Variants in FSIP2 observed in about 807,000 individuals in gnomAD.
FSIP2 encodes fibrous sheath-interacting protein 2.
Under a neutral mutation model 510.5 loss-of-function variants are expected in FSIP2, and 367 were observed. That is an observed-to-expected ratio of 0.72 (90% CI 0.66 to 0.78). The LOEUF is 0.78. FSIP2 is among the 30% of genes least tolerant of loss of function. FSIP2 has a pLI of 0.00. For synonymous variants in FSIP2, 2,601 were observed against 2,732.2 expected (o/e 0.95, Z 1.50); for missense variants, 7,594 against 7,901.7 (o/e 0.96, Z 1.48).
chr2:185,797,770 C>A, intron 16 of FSIP2: 2 of 410,868 alleles, frequency 4.9e-6, no homozygotes, highest in South Asian at 2.7e-5. Flanking sequence ...CTTCCTGCAG[C>A]CTTGAACTCC....
At chr2:185,750,603 G>GT (rs71014622) in intron 7 of FSIP2, among the ~76,000 whole-genome samples, 122,675 of 136,386 alleles carry the variant, frequency 0.9, 55,505 homozygotes, top group Non-Finnish European at 0.96. Context: ...GCATTTCTCT[G>GT]TTTTTTTTTT....
chr2:185,806,374 G>C lies in FSIP2; in HGVS notation c.17068G>C (p.Glu5690Gln). The change falls in exon 17 of 23, where the codon GAA (glutamate) becomes CAA (glutamine). Residue 5690 changes from glutamate to glutamine, a missense_variant. Coordinates refer to ENST00000424728, the MANE Select transcript of FSIP2 (RefSeq NM_173651.4). ...TGAAAATATTTTTGAAGATGTTTTAGAACTATCTTCTTCTCCAGAACCAGC... is the reference window on the plus strand; with the variant it reads ...TGAAAATATTTTTGAAGATGTTTTACAACTATCTTCTTCTCCAGAACCAGC... ...VIENIFEDVLELSSSPEPAYY... is the reference protein window; with the variant it reads ...VIENIFEDVLQLSSSPEPAYY... 1 of 1,611,232 alleles carries C rather than the reference G, an allele frequency of 6.2e-7. No individual in the cohort carries two copies. The highest frequency in any genetic ancestry group is 8.5e-7 in the Non-Finnish European group (1 of 1,178,452).
At chr2:185,756,359 CTT>C (rs1692246808) in intron 9 of FSIP2, 81 bp downstream of exon 9, 2 of 481,312 alleles carry the variant, frequency 4.2e-6, no homozygotes, top group East Asian at 6.3e-5. Context: ...ACTTTTTTCA[CTT>C]AAGTGCAGAC....
At position 185,743,274 on chromosome 2, in the gene FSIP2, T is replaced by C; in HGVS notation, c.367T>C (p.Tyr123His). 6.7e-7 allele frequency: 1 copy of C among 1,500,950 alleles called. No homozygotes were observed. Among genetic ancestry groups the C allele is most frequent in the South Asian group, 1.3e-5 (1 of 77,346 alleles). 93.0% of individuals were successfully genotyped at this position (1,500,950 alleles called of 1,614,324 possible). The change falls in exon 3 of 23, where the codon TAC becomes CAC. Residue 123 changes from tyrosine (Y) to histidine (H), a missense_variant. Physicochemically the swap from Tyr to His is moderately conservative, Grantham distance 83 (BLOSUM62 2). Transcript: ENST00000424728. The stretch of plus-strand genomic sequence containing the variant: ...TTTGAAGAGATTAAAGAAAGGTGGC[T>C]ACATCACCAGCAATAATAAAGTGGG... ...DILKRLKKGG[Y>H]ITSNNKVVCT...
At chr2:185,779,705 T>C (rs1469149481) in intron 13 of FSIP2, among the ~76,000 whole-genome samples, 1 of 152,180 alleles carries the variant, frequency 6.6e-6, no homozygotes, top group Non-Finnish European at 1.5e-5. Flanking sequence ...TATTTATATT[T>C]GCCCACCTGT....
rs1211738054 is a variant in FSIP2, at chr2:185,791,158, T to TATTAGCAAAATCAGATAA, written c.4023_4024insTTAGCAAAATCAGATAAA (p.Leu1341_Glu1342insLeuAlaLysSerAspLys). The TATTAGCAAAATCAGATAA allele has an allele frequency of 1.3e-6, 2 of 1,533,588 alleles. No homozygotes were observed. Among genetic ancestry groups the TATTAGCAAAATCAGATAA allele is most frequent in the Admixed American group, 3.9e-5 (2 of 50,830 alleles). The allele number at this position is 1,533,588 out of a possible 1,614,324, so 95.0% of individuals were successfully genotyped here. ...TTTTTTGCTAATACTGATAAAAAAT[T>TATTAGCAAAATCAGATAA]AGAATCTCTTGTCACGAGTATTGAT... On this transcript the variant is annotated inframe_insertion, in exon 16 of 23. Transcript: ENST00000424728.
intron 22 of FSIP2, 64 bp downstream of exon 22, chr2:185,831,946 A>G (rs752551169): frequency 3.1e-6 from 3 of 978,774 alleles, no homozygotes; most frequent in Non-Finnish European, 4.9e-6. Flanking sequence ...TTTTGAATTT[A>G]GAATTTTTTA....
In FSIP2 at chr2:185,805,456, C is replaced by G. The variant is rs751582700; in HGVS notation, c.16150C>G (p.Leu5384Val). ...SNIAIGMIAA[L>V]TQKAISAFRI... is the part of the protein sequence containing the mutation. Reference sequence around the variant, plus strand: ...CATTGCTATAGGGATGATTGCTGCTCTAACCCAGAAGGCAATATCTGCATT... The same window carrying G: ...CATTGCTATAGGGATGATTGCTGCTGTAACCCAGAAGGCAATATCTGCATT... The change falls in exon 17 of 23, where the codon CTA becomes GTA. Residue 5384 changes from leucine to valine, a missense_variant. Coordinates refer to ENST00000424728, the MANE Select transcript of FSIP2 (RefSeq NM_173651.4). The G allele has an allele frequency of 1.2e-6, 2 of 1,611,174 alleles. No individual in the cohort carries two copies. Among genetic ancestry groups the G allele is most frequent in the Non-Finnish European group, 1.7e-6 (2 of 1,178,296 alleles).
Position 185,813,735 on chromosome 2 carries a change from CT to C in FSIP2, c.20022del (p.Phe6674LeufsTer14). On this transcript the variant is annotated frameshift_variant, in exon 18 of 23. Transcript: ENST00000424728. LOFTEE classifies it high-confidence loss of function. ...SDEDEVVLTQ[T>X]FAKEEGIKVF... is the part of the protein sequence containing the mutation. ...GAAGATGAAGTTGTTTTAACACAGA[CT>C]TTTGCAAAAGAAGAAGGCATCAAAG... is the stretch of plus-strand genomic sequence containing the variant. 6.2e-7 allele frequency: 1 copy of C among 1,612,188 alleles called. No individual in the cohort carries two copies. Among genetic ancestry groups the C allele is most frequent in the Non-Finnish European group, 8.5e-7 (1 of 1,179,142 alleles).
chr2:185,737,495 G>A (rs11678064), upstream of FSIP2, among the ~76,000 whole-genome samples: 16,131 of 152,172 alleles, frequency 0.11, 894 homozygotes, highest in Middle Eastern at 0.14. Context: ...CGGCTTAACC[G>A]GGAGAGTAAA....
chr2:185,745,879 T>A (rs1299245039), intron 5 of FSIP2, among the ~76,000 whole-genome samples: 1 of 152,114 alleles, frequency 6.6e-6, no homozygotes, highest in Non-Finnish European at 1.5e-5. Flanking sequence ...TTAAGATTCA[T>A]CTTTAAGAAC....
upstream of FSIP2, chr2:185,738,734 C>A (rs1376946687): frequency 1.3e-6 from 2 of 1,536,034 alleles, no homozygotes; most frequent in East Asian, 4.9e-5. Flanking sequence ...GAGGCCACCG[C>A]CCTTCTGGGG....
chr2:185,804,235 GT>G lies in FSIP2; in HGVS notation c.14930del (p.Val4977GlyfsTer3), dbSNP rs778519622. On this transcript the variant is annotated frameshift_variant, in exon 17 of 23. Transcript: ENST00000424728. LOFTEE classifies it high-confidence loss of function. ...NMLVTENPDR[V>X]KLKLTRIVTT... The stretch of plus-strand genomic sequence containing the variant: ...GTTGGTTACTGAAAATCCAGATAGA[GT>G]GAAACTGAAACTTACCAGGATTGTT... The G allele has an allele frequency of 4.7e-4, 722 of 1,528,042 alleles. 1 individual carries two copies. Among genetic ancestry groups the G allele is most frequent in the Admixed American group, 6.8e-4 (34 of 49,972 alleles). 94.7% of individuals were successfully genotyped at this position (1,528,042 alleles called of 1,614,324 possible).
In FSIP2 at chr2:185,794,622, C is replaced by A. The variant is rs773310664; in HGVS notation, c.7486C>A (p.Gln2496Lys). Residue 2496 changes from glutamine to lysine, a missense_variant, in exon 16 of 23, where the codon CAA becomes AAA. Coordinates refer to ENST00000424728, the MANE Select transcript of FSIP2 (RefSeq NM_173651.4). ...GGAAGAACTTTTGAATAAGTTGTAT[C>A]AAAGAGTAAGGGAAGTCACAGGCCA... ...AVEELLNKLY[Q>K]RVREVTGHLP... 3 of 1,532,194 alleles carry A rather than the reference C, an allele frequency of 2.0e-6. No homozygotes were observed. The South Asian group carries it at 3.6e-5, about 18-fold the overall frequency. The allele number at this position is 1,532,194 out of a possible 1,614,324, so 94.9% of individuals were successfully genotyped here.
At chr2:185,760,821 G>A (rs1166943164) in intron 9 of FSIP2, among the ~76,000 whole-genome samples, 167 bp from the exon 10 acceptor site, 1 of 150,278 alleles carries the variant, frequency 6.7e-6, no homozygotes, top group Non-Finnish European at 1.5e-5. Flanking sequence ...AACTTCTAGG[G>A]ATAATAGACA....
chr2:185,816,674 CTAAAA>C (rs940230711), intron 19 of FSIP2, among the ~76,000 whole-genome samples: 7 of 151,264 alleles, frequency 4.6e-5, no homozygotes, highest in Non-Finnish European at 8.8e-5. Flanking sequence ...CCTAACTCTA[CTAAAA>C]TAAAATAAAA....
At chr2:185,747,280 A>G in intron 6 of FSIP2, 33 bp from the exon 7 acceptor site, 1 of 1,202,328 alleles carries the variant, frequency 8.3e-7, no homozygotes, top group South Asian at 1.3e-5. Context: ...TGAAAGGCAC[A>G]CACACCAAGT....
intron 13 of FSIP2, among the ~76,000 whole-genome samples, chr2:185,767,529 C>T (rs1451329640): frequency 1.3e-5 from 2 of 152,146 alleles, no homozygotes; most frequent in Admixed American, 6.5e-5. Context: ...ACATATAAAT[C>T]ATGCCGTTTT....
chr2:185,824,981 G>T (rs1212932147), intron 20 of FSIP2, among the ~76,000 whole-genome samples: 11 of 151,304 alleles, frequency 7.3e-5, no homozygotes, highest in Admixed American at 2.0e-4. Flanking sequence ...ATGACTTTTA[G>T]GTTCTCTAAC....
Sources: allele counts gnomAD v4.1 joint callset (sites outside exome capture counted in the v4.1 genomes callset), GRCh38; gene constraint gnomAD v4.1.1; transcripts MANE v1.5; gene names NCBI Gene and HGNC (gene_info 2026-07-23, HGNC 2026-07-21).